C9: variants seen among roughly 807,000 people sequenced by gnomAD.
The protein encoded by C9 is complement C9.
Under a neutral mutation model 65.4 loss-of-function variants are expected in C9, and 63 were observed. The ratio of observed to expected loss-of-function variants is 0.96; its 90% CI spans 0.79 to 1.19. The LOEUF (loss-of-function observed/expected upper bound fraction) is 1.19. C9 is among the 50% of genes most tolerant of loss of function. C9 has a pLI of 0.00. For synonymous variants in C9, 229 were observed against 227.9 expected (o/e 1.00, Z -0.04); for missense variants, 744 against 670.1 (o/e 1.11, Z -1.22).
At chr5:39,301,967 A>ATT (rs1012261132) in intron 9 of C9, among the ~76,000 whole-genome samples, 6 of 151,626 alleles carry the variant, frequency 4.0e-5, no homozygotes, top group Non-Finnish European at 8.8e-5. Context: ...AATTATTTTG[A>ATT]TTTTTTTTTA....
chr5:39,345,613 G>A (rs1257910399), intron 1 of C9, among the ~76,000 whole-genome samples: 2 of 152,220 alleles, frequency 1.3e-5, no homozygotes, highest in Admixed American at 1.3e-4. Context: ...AGACAGATCA[G>A]TGAGACAGAA....
intron 1 of C9, among the ~76,000 whole-genome samples, chr5:39,348,242 A>T (rs1182584509): frequency 6.6e-6 from 1 of 152,164 alleles, no homozygotes; most frequent in African/African-American, 2.4e-5. Context: ...CAACCTACAG[A>T]ATGGGAGAAA....
chr5:39,298,372 G>T (rs1579841916), intron 9 of C9, among the ~76,000 whole-genome samples: 1 of 151,422 alleles, frequency 6.6e-6, no homozygotes, highest in South Asian at 2.1e-4. Flanking sequence ...CTGCTTTTTT[G>T]AGATTACAAA....
intron 7 of C9, among the ~76,000 whole-genome samples, chr5:39,310,724 T>C (rs992929798): frequency 2.0e-5 from 3 of 152,172 alleles, no homozygotes; most frequent in Non-Finnish European, 4.4e-5. Context: ...TTTAGAACAA[T>C]ATTTTCCCTC....
chr5:39,349,756 GCTCTTCAGGACACT>G (rs2111972149), intron 1 of C9, among the ~76,000 whole-genome samples: 1 of 152,196 alleles, frequency 6.6e-6, no homozygotes, highest in African/African-American at 2.4e-5. Flanking sequence ...CACCACTGTT[GCTCTTCAGGACACT>G]CTCTTCTCTT....
chr5:39,288,652 C>T, intron 10 of C9, 71 bp downstream of exon 10: 1 of 801,754 alleles, frequency 1.2e-6, no homozygotes, highest in Non-Finnish European at 2.2e-6. Context: ...AATTCAAGAG[C>T]TAGTTTTCAA....
At chr5:39,359,048 G>GTA (rs1438887518) in intron 1 of C9, among the ~76,000 whole-genome samples, 2 of 140,276 alleles carry the variant, frequency 1.4e-5, no homozygotes, top group Admixed American at 7.3e-5. Context: ...GTGTGTGTGT[G>GTA]TATATATATG....
At chr5:39,340,413 T>G (rs1029574184) in intron 4 of C9, among the ~76,000 whole-genome samples, 23 of 150,698 alleles carry the variant, frequency 1.5e-4, no homozygotes, top group African/African-American at 5.6e-4. Context: ...TCAGAGTGAG[T>G]AAGAGAGGCT....
intron 6 of C9, among the ~76,000 whole-genome samples, chr5:39,314,276 C>T (rs1051856650): frequency 6.6e-6 from 1 of 151,816 alleles, no homozygotes; most frequent in East Asian, 1.9e-4. Context: ...ATGGAGAAAC[C>T]CCATTTCTAC....
intron 1 of C9, among the ~76,000 whole-genome samples, chr5:39,343,409 C>A (rs1302157884): frequency 1.3e-5 from 2 of 152,224 alleles, no homozygotes; most frequent in African/African-American, 4.8e-5. Context: ...GGGTCCCAGG[C>A]CCATGGAGAC....
At chr5:39,297,351 T>C (rs1232868776) in intron 9 of C9, among the ~76,000 whole-genome samples, 1 of 151,434 alleles carries the variant, frequency 6.6e-6, no homozygotes, top group African/African-American at 2.4e-5. Context: ...ACAGAACAAA[T>C]AAAAACAACT....
In C9 at chr5:39,336,784, A is replaced by G. The variant is rs192793275; in HGVS notation, c.476+4362T>C. ...AGAAATTTTATTATAACAATGTCAC[A>G]CAATTTTAATCCCTTTTTCTGAGTT... On this transcript the variant is annotated intron_variant, in intron 4 of 10. Transcript: ENST00000263408. Among the ~76,000 whole-genome samples, 279 of 152,340 alleles carry G rather than the reference A, an allele frequency of 1.8e-3. 1 individual carries two copies. The highest frequency in any genetic ancestry group is 3.4e-3 in the Non-Finnish European group (232 of 68,022).
At chr5:39,359,442 T>C (rs1754476572) in intron 1 of C9, among the ~76,000 whole-genome samples, 1 of 151,932 alleles carries the variant, frequency 6.6e-6, no homozygotes. Flanking sequence ...TGTCGGCGTA[T>C]AAGTGGCGTT....
At chr5:39,299,449 TAAAC>T (rs1267930641) in intron 9 of C9, among the ~76,000 whole-genome samples, 3 of 152,082 alleles carry the variant, frequency 2.0e-5, no homozygotes, top group Non-Finnish European at 4.4e-5. Flanking sequence ...GATGACTAGA[TAAAC>T]AAACTGTTTA....
At chr5:39,308,877 T>C (rs1753427232) in intron 7 of C9, among the ~76,000 whole-genome samples, 1 of 152,164 alleles carries the variant, frequency 6.6e-6, no homozygotes. Context: ...CCCAGAGTTG[T>C]CTAGCTACTA....
At chr5:39,349,979 CTG>C (rs1159160859) in intron 1 of C9, among the ~76,000 whole-genome samples, 1 of 152,068 alleles carries the variant, frequency 6.6e-6, no homozygotes, top group Non-Finnish European at 1.5e-5. Flanking sequence ...GCTAATGACA[CTG>C]TATTAATCTG....
At chr5:39,353,278 A>G (rs2111978266) in intron 1 of C9, among the ~76,000 whole-genome samples, 1 of 152,318 alleles carries the variant, frequency 6.6e-6, no homozygotes, top group African/African-American at 2.4e-5. Flanking sequence ...TGACTTCTAG[A>G]TCTGTTAAAT....
chr5:39,341,796 C>A, intron 2 of C9, 96 bp from the exon 3 acceptor site: 2 of 1,136,524 alleles, frequency 1.8e-6, no homozygotes, highest in Admixed American at 1.8e-5. Context: ...TGCAATGAGT[C>A]AATGGTTTTA....
chr5:39,318,327 T>C (rs2111902609), intron 5 of C9, among the ~76,000 whole-genome samples: 1 of 152,296 alleles, frequency 6.6e-6, no homozygotes, highest in South Asian at 2.1e-4. Context: ...ACTTTCTCTC[T>C]TCGTATTTGA....
Sources: allele counts gnomAD v4.1 joint callset (sites outside exome capture counted in the v4.1 genomes callset), GRCh38; gene constraint gnomAD v4.1.1; transcripts MANE v1.5; gene names NCBI Gene and HGNC (gene_info 2026-07-23, HGNC 2026-07-21).